HTR2C: variants seen among roughly 807,000 people sequenced by gnomAD.
HTR2C encodes the protein 5-hydroxytryptamine receptor 2C, also known as 5-hydroxytryptamine (serotonin) receptor 2C, G protein-coupled.
In HTR2C, 5 loss-of-function variants were observed where a neutral mutation model predicts 21.0. The ratio of observed to expected loss-of-function variants is 0.24; its 90% CI spans 0.12 to 0.50. The LOEUF is 0.50. Among genes scored for constraint, HTR2C ranks in the 20% least tolerant of loss-of-function variants. The pLI is 0.98. For synonymous variants in HTR2C, 150 were observed against 145.3 expected (o/e 1.03, Z -0.23); for missense variants, 271 against 371.2 (o/e 0.73, Z 2.22).
At chrX:114,875,968 G>A (rs1215075626) in intron 5 of HTR2C, among the ~76,000 whole-genome samples, 1 of 107,271 alleles carries the variant, frequency 9.3e-6, no homozygotes, top group Non-Finnish European at 1.9e-5. Context: ...ATTTTAATAG[G>A]GATTGTATTA....
At chrX:114,604,684 A>G (rs1353136502) in intron 1 of HTR2C, among the ~76,000 whole-genome samples, 1 of 111,143 alleles carries the variant, frequency 9.0e-6, no homozygotes, top group East Asian at 2.8e-4. Context: ...GTGGGGTCCC[A>G]CACAGATGGG....
chrX:114,609,329 C>T (rs1602634837), intron 1 of HTR2C, among the ~76,000 whole-genome samples: 1 of 111,403 alleles, frequency 9.0e-6, no homozygotes, highest in East Asian at 2.8e-4. Flanking sequence ...GAAAATAGAT[C>T]CTATTAATTA....
chrX:114,830,664 T>C (rs925028649), intron 4 of HTR2C, among the ~76,000 whole-genome samples: 7 of 25,488 alleles, frequency 2.7e-4, no homozygotes, highest in African/African-American at 8.3e-4. Flanking sequence ...AGATAAACTT[T>C]ATTTTATTTT....
chrX:114,819,083 G>A (rs782390724), intron 4 of HTR2C, among the ~76,000 whole-genome samples: 2 of 111,273 alleles, frequency 1.8e-5, no homozygotes, highest in South Asian at 7.4e-4. Context: ...TTTACCTTCT[G>A]AATCATTATC....
intron 5 of HTR2C, among the ~76,000 whole-genome samples, chrX:114,901,806 C>T (rs907710630): frequency 9.0e-6 from 1 of 111,432 alleles, no homozygotes; most frequent in Non-Finnish European, 1.9e-5. Context: ...GAAGATGATA[C>T]AGAGTTATTG....
intron 5 of HTR2C, among the ~76,000 whole-genome samples, chrX:114,905,407 T>C (rs1378068022): frequency 3.6e-5 from 4 of 111,971 alleles, no homozygotes; most frequent in Admixed American, 1.9e-4. Flanking sequence ...CATTGTTTTT[T>C]TTCCCTCTTG....
In HTR2C at chrX:114,834,627, A is replaced by G. The variant is rs1352727383; in HGVS notation, c.350-13376A>G. Among the ~76,000 whole-genome samples, 17 of 104,723 alleles carry G rather than the reference A, an allele frequency of 1.6e-4. 1 individual carries two copies. Among genetic ancestry groups the G allele is most frequent in the Non-Finnish European group, 2.8e-4 (14 of 50,805 alleles). The allele number at this position is 104,723 out of a possible 115,157, so 90.9% of individuals were successfully genotyped here. On this transcript the variant is annotated intron_variant, in intron 4 of 5. Transcript: ENST00000276198. ...TGCACGTGAGATGGGTTTCCTGAAT[A>G]CAGCACACTGATGGGTCTTGACTCT...
At chrX:114,682,717 G>T (rs782374127) in intron 2 of HTR2C, among the ~76,000 whole-genome samples, 18 of 110,739 alleles carry the variant, frequency 1.6e-4, no homozygotes, top group Admixed American at 3.9e-4. Context: ...TCTGTCTCCT[G>T]CTCACCCTCC....
chrX:114,875,965 T>C (rs1556478098), intron 5 of HTR2C, among the ~76,000 whole-genome samples: 2 of 109,389 alleles, frequency 1.8e-5, no homozygotes, highest in African/African-American at 6.6e-5. Flanking sequence ...GGAATTTTAA[T>C]AGGGATTGTA....
At chrX:114,830,292 T>C (rs2070710219) in intron 4 of HTR2C, among the ~76,000 whole-genome samples, 1 of 111,772 alleles carries the variant, frequency 8.9e-6, no homozygotes, top group Admixed American at 9.6e-5. Context: ...AGTATTTTTC[T>C]TGGAGGTTTC....
chrX:114,765,420 A>AT (rs2069937890), intron 4 of HTR2C, among the ~76,000 whole-genome samples: 1 of 110,778 alleles, frequency 9.0e-6, no homozygotes, highest in Non-Finnish European at 1.9e-5. Flanking sequence ...ACATATAAGT[A>AT]TTTTTCCCAC....
intron 4 of HTR2C, among the ~76,000 whole-genome samples, chrX:114,834,377 G>T (rs1292670569): frequency 1.9e-5 from 2 of 104,628 alleles, no homozygotes; most frequent in South Asian, 4.7e-4. Flanking sequence ...TTATGAATCT[G>T]GGTGCTCCTG....
intron 1 of HTR2C, among the ~76,000 whole-genome samples, chrX:114,591,022 G>C (rs1166571552): frequency 9.0e-6 from 1 of 111,694 alleles, no homozygotes; most frequent in African/African-American, 3.2e-5. Context: ...TTTTTATACT[G>C]TTAAAGGAAA....
At chrX:114,715,767 C>T (rs1932983432) in intron 2 of HTR2C, among the ~76,000 whole-genome samples, 2 of 112,090 alleles carry the variant, frequency 1.8e-5, no homozygotes, top group African/African-American at 3.2e-5. Flanking sequence ...CCCAATCACT[C>T]TTTATCTCAT....
chrX:114,778,351 A>G (rs963707754), intron 4 of HTR2C, among the ~76,000 whole-genome samples: 6 of 111,657 alleles, frequency 5.4e-5, no homozygotes, highest in Non-Finnish European at 7.5e-5. Context: ...AAGTATCTGG[A>G]TTTTAGTACA....
At chrX:114,738,778 G>A (rs1235325090) in intron 4 of HTR2C, among the ~76,000 whole-genome samples, 2 of 107,041 alleles carry the variant, frequency 1.9e-5, no homozygotes, top group African/African-American at 3.4e-5. Flanking sequence ...CACATTCTTC[G>A]CATGTATCCC....
At chrX:114,792,982 T>C (rs2070249255) in intron 4 of HTR2C, among the ~76,000 whole-genome samples, 1 of 111,978 alleles carries the variant, frequency 8.9e-6, no homozygotes, top group East Asian at 2.8e-4. Context: ...TTTCACTTGT[T>C]CATTTAAGTT....
At chrX:114,894,612 A>G (rs782493846) in intron 5 of HTR2C, among the ~76,000 whole-genome samples, 29 of 111,803 alleles carry the variant, frequency 2.6e-4, no homozygotes, top group African/African-American at 8.8e-4. Context: ...ATGTAAATTT[A>G]TACTTGAAAT....
chrX:114,703,869 A>T (rs1353521347), intron 2 of HTR2C, among the ~76,000 whole-genome samples: 2 of 110,457 alleles, frequency 1.8e-5, no homozygotes, highest in African/African-American at 6.6e-5. Flanking sequence ...AAAAATGATA[A>T]AGGGGATATC....
Sources: allele counts gnomAD v4.1 joint callset (sites outside exome capture counted in the v4.1 genomes callset), GRCh38; gene constraint gnomAD v4.1.1; transcripts MANE v1.5; gene names NCBI Gene and HGNC (gene_info 2026-07-23, HGNC 2026-07-21).